LRRC4C: variants seen among roughly 807,000 people sequenced by gnomAD.
LRRC4C encodes the protein leucine rich repeat containing 4C.
In LRRC4C, 5 loss-of-function variants were observed where a neutral mutation model predicts 33.6. The observed-to-expected ratio is 0.15, with a 90% CI of 0.08 to 0.31. The LOEUF (loss-of-function observed/expected upper bound fraction) is 0.31, where lower values mean the gene tolerates loss of function less well. LRRC4C is among the 10% of genes least tolerant of loss of function. The pLI is 1.00. For missense variants in LRRC4C, 560 were observed against 796.7 expected, an observed-to-expected ratio of 0.70 and a Z score of 3.58; for synonymous variants, 329 against 302.0, an observed-to-expected ratio of 1.09 and a Z score of -0.93.
At chr11:40,414,437 T>C (rs1196097549) in intron 3 of LRRC4C, among the ~76,000 whole-genome samples, 3 of 152,120 alleles carry the variant, frequency 2.0e-5, no homozygotes, top group East Asian at 3.9e-4. Flanking sequence ...CCATTTCCAG[T>C]AGCTTACAGA....
In LRRC4C at chr11:41,138,797, T is replaced by C. The variant is rs538134018; in HGVS notation, c.-495-205074A>G. Reference sequence around the variant, plus strand: ...TCTAAACACCAGCACTTTTAATCTATAAAATAATTACTACACAAAAAGAAT... The same window carrying C: ...TCTAAACACCAGCACTTTTAATCTACAAAATAATTACTACACAAAAAGAAT... On this transcript the variant is annotated intron_variant, in intron 1 of 6. Transcript: ENST00000528697. Among the ~76,000 whole-genome samples the C allele has an allele frequency of 1.5e-3, 230 of 152,326 alleles. 1 individual carries two copies. The highest frequency in any genetic ancestry group is 5.1e-3 in the African/African-American group (211 of 41,578).
chr11:40,758,557 T>C (rs1949051066), intron 2 of LRRC4C, among the ~76,000 whole-genome samples: 1 of 152,032 alleles, frequency 6.6e-6, no homozygotes, highest in African/African-American at 2.4e-5. Flanking sequence ...TTTGAATTAA[T>C]ATATTAGTAA....
At chr11:40,750,363 C>A (rs1204843745) in intron 2 of LRRC4C, among the ~76,000 whole-genome samples, 1 of 151,976 alleles carries the variant, frequency 6.6e-6, no homozygotes, top group Non-Finnish European at 1.5e-5. Flanking sequence ...ATGAAGCCAG[C>A]ATTACCCTGA....
intron 3 of LRRC4C, among the ~76,000 whole-genome samples, chr11:40,397,721 A>C (rs1342726416): frequency 6.6e-6 from 1 of 152,128 alleles, no homozygotes; most frequent in Non-Finnish European, 1.5e-5. Context: ...ACCTGCTAGC[A>C]GTAGGCTGAA....
chr11:41,167,151 A>C (rs1437464591), intron 1 of LRRC4C, among the ~76,000 whole-genome samples: 1 of 152,232 alleles, frequency 6.6e-6, no homozygotes, highest in Non-Finnish European at 1.5e-5. Context: ...TCTGGAAAAA[A>C]AATAGATACC....
intron 3 of LRRC4C, among the ~76,000 whole-genome samples, chr11:40,321,570 T>C (rs1945850846): frequency 6.6e-6 from 1 of 152,212 alleles, no homozygotes; most frequent in East Asian, 1.9e-4. Flanking sequence ...AAGAGATAAA[T>C]GGCAGAATTA....
intron 1 of LRRC4C, among the ~76,000 whole-genome samples, chr11:41,145,733 C>T (rs1185766394): frequency 6.6e-6 from 1 of 152,158 alleles, no homozygotes; most frequent in East Asian, 1.9e-4. Flanking sequence ...TTACCTAGCA[C>T]AGTCCTTGGC....
At chr11:40,241,670 A>C (rs1865933604) in intron 4 of LRRC4C, 72 bp from the exon 5 acceptor site, 1 of 152,218 alleles carries the variant, frequency 6.6e-6, no homozygotes, top group Non-Finnish European at 1.5e-5. Flanking sequence ...TTTTTCTGCA[A>C]GGCTAGAAAC....
intron 2 of LRRC4C, among the ~76,000 whole-genome samples, chr11:40,892,632 T>C (rs1461743692): frequency 6.6e-6 from 1 of 152,224 alleles, no homozygotes; most frequent in Non-Finnish European, 1.5e-5. Flanking sequence ...TTTTGATATA[T>C]GTTACAATGT....
chr11:40,417,508 T>A (rs1049632544), intron 3 of LRRC4C, among the ~76,000 whole-genome samples: 1 of 151,848 alleles, frequency 6.6e-6, no homozygotes, highest in African/African-American at 2.4e-5. Context: ...ATTTTTTATT[T>A]TTTTTTTGTT....
At chr11:40,892,262 G>A (rs1406632729) in intron 2 of LRRC4C, among the ~76,000 whole-genome samples, 1 of 152,036 alleles carries the variant, frequency 6.6e-6, no homozygotes, top group Non-Finnish European at 1.5e-5. Context: ...ATATTGAAGA[G>A]ATTTCTGCAT....
At chr11:40,399,392 A>G (rs1257367487) in intron 3 of LRRC4C, among the ~76,000 whole-genome samples, 1 of 152,146 alleles carries the variant, frequency 6.6e-6, no homozygotes, top group Non-Finnish European at 1.5e-5. Context: ...AGGGACATGG[A>G]TGAAACTGGA....
intron 3 of LRRC4C, among the ~76,000 whole-genome samples, chr11:40,527,673 C>T (rs1012833635): frequency 2.0e-5 from 3 of 152,088 alleles, no homozygotes; most frequent in Admixed American, 6.6e-5. Flanking sequence ...AGCTAAAGTG[C>T]CATTGAACTA....
chr11:41,304,593 C>T (rs1372860594), intron 1 of LRRC4C, among the ~76,000 whole-genome samples: 3 of 65,646 alleles, frequency 4.6e-5, no homozygotes, highest in Admixed American at 1.6e-4. Flanking sequence ...GCCCCCCGCC[C>T]GGCCAGCCGC....
rs1951407931 is a variant in LRRC4C at position 40,809,753 on chromosome 11, C to CTATA, written c.-407+123881_-407+123882insTATA. Reference sequence around the variant, plus strand: ...TTTATTGTCTCTATATTGCCAGATCCTGGCATCATGCCTTACAAAGTGCAG... The same window carrying CTATA: ...TTTATTGTCTCTATATTGCCAGATCCTATATGGCATCATGCCTTACAAAGTGCAG... On this transcript the variant is annotated intron_variant, in intron 2 of 6. Transcript: ENST00000528697. Among the ~76,000 whole-genome samples the CTATA allele has an allele frequency of 5.9e-5, 9 of 152,298 alleles. No homozygotes were observed. In the South Asian group the frequency reaches 1.9e-3, roughly 32 times the overall value.
intron 2 of LRRC4C, among the ~76,000 whole-genome samples, chr11:40,700,033 A>G (rs1433104898): frequency 3.3e-5 from 5 of 152,138 alleles, no homozygotes; most frequent in East Asian, 1.9e-4. Context: ...GGTGCCCTCT[A>G]TGTCATCCTT....
At chr11:40,551,844 T>C (rs1957138495) in intron 3 of LRRC4C, among the ~76,000 whole-genome samples, 1 of 152,176 alleles carries the variant, frequency 6.6e-6, no homozygotes, top group African/African-American at 2.4e-5. Flanking sequence ...AGTTAGACCA[T>C]GGTATCCAGA....
chr11:40,986,723 A>C (rs1338567384), intron 1 of LRRC4C, among the ~76,000 whole-genome samples: 1 of 152,212 alleles, frequency 6.6e-6, no homozygotes, highest in Non-Finnish European at 1.5e-5. Flanking sequence ...CCATCATAAA[A>C]AAACAAGAAC....
intron 1 of LRRC4C, among the ~76,000 whole-genome samples, chr11:41,377,755 T>C (rs1952991155): frequency 6.6e-6 from 1 of 152,174 alleles, no homozygotes; most frequent in Non-Finnish European, 1.5e-5. Flanking sequence ...ATTTTTGCCT[T>C]GGTGTGGCCT....
Sources: gnomAD v4.1 joint callset for allele counts (sites outside exome capture counted in the v4.1 genomes callset) on GRCh38, gnomAD v4.1.1 for gene constraint, MANE v1.5 for transcripts, NCBI Gene and HGNC (gene_info 2026-07-23, HGNC 2026-07-21) for gene names.